CFAP251: variants seen among roughly 807,000 people sequenced by gnomAD.
CFAP251 encodes cilia and flagella associated protein 251.
In CFAP251, 93 loss-of-function variants were observed where a neutral mutation model predicts 126.7. The observed-to-expected ratio is 0.73, with a 90% CI of 0.62 to 0.87. CFAP251 has a LOEUF of 0.87. CFAP251 is among the 40% of genes least tolerant of loss of function. CFAP251 has a pLI of 0.00. For synonymous variants in CFAP251, 503 were observed against 506.9 expected (o/e 0.99, Z 0.10); for missense variants, 1,287 against 1,389.2 (o/e 0.93, Z 1.17).
chr12:121,993,615 C>T (rs1397413205), intron 19 of CFAP251, among the ~76,000 whole-genome samples: 7 of 138,922 alleles, frequency 5.0e-5, no homozygotes, highest in East Asian at 4.7e-4. Flanking sequence ...GCCTCTGCCC[C>T]GCCGCCCCAT....
chr12:121,926,076 C>T (rs1720066), intron 3 of CFAP251, among the ~76,000 whole-genome samples: 2 of 141,502 alleles, frequency 1.4e-5, no homozygotes, highest in African/African-American at 5.3e-5. Flanking sequence ...CGTGTTAGCC[C>T]GGATGGTCTT....
At position 122,003,687 on chromosome 12, in the gene CFAP251, G is replaced by A. The variant is rs766268774; in HGVS notation, c.3373G>A (p.Glu1125Lys). ...EICLEEELPD[E>K]ITAEIFATEI... ...TTGCCTTGAAGAAGAACTTCCAGAC[G>A]AAATCACTGCAGAAATATTCGCGAC... Residue 1125 changes from glutamate (E) to lysine (K), a missense_variant, in exon 22 of 22, where the codon GAA (glutamate) becomes AAA (lysine). By Grantham distance (56) the Glu-to-Lys change is moderately conservative. Transcript: ENST00000288912. 18 of 1,610,612 alleles carry A rather than the reference G, an allele frequency of 1.1e-5. No individual in the cohort carries two copies. In the Admixed American group the frequency reaches 3.1e-4, roughly 27 times the overall value.
intron 15 of CFAP251, among the ~76,000 whole-genome samples, chr12:121,966,171 T>TCCCTCCCCTCCCCTC (rs1366004601): frequency 1.9e-4 from 1 of 5,282 alleles, no homozygotes; most frequent in African/African-American, 7.0e-4. Flanking sequence ...CCCCTCCCCT[T>TCCCTCCCCTCCCCTC]CCCTCCCCTC....
Position 122,001,504 on chromosome 12 carries a change from T to C in CFAP251, c.3243T>C (p.His1081=), listed in dbSNP as rs2135821536. The C allele has an allele frequency of 6.2e-7, 1 of 1,613,998 alleles. No individual in the cohort carries two copies. Among genetic ancestry groups the C allele is most frequent in the Non-Finnish European group, 8.5e-7 (1 of 1,179,894 alleles). The part of the protein sequence containing the change: ...FLRLLVTKGE[H]MTEEEMLDCF... ...TCACTCTTTGACACACAGGTGAGCATATGACGGAGGAGGAGATGTTGGATT... is the reference window on the plus strand; with the variant it reads ...TCACTCTTTGACACACAGGTGAGCACATGACGGAGGAGGAGATGTTGGATT... The change falls in exon 21 of 22, where the codon CAT becomes CAC. Residue 1081 remains histidine, a synonymous_variant. Coordinates refer to ENST00000288912, the MANE Select transcript of CFAP251 (RefSeq NM_144668.6).
At chr12:121,975,101 C>G (rs780901312) in intron 17 of CFAP251, 143 bp from the exon 18 acceptor site, 9 of 627,336 alleles carry the variant, frequency 1.4e-5, no homozygotes, top group Non-Finnish European at 2.5e-5. Context: ...TTTAAAGGAC[C>G]TTTTCTTAAC....
chr12:121,945,382 T>C (rs1881281099), intron 7 of CFAP251, among the ~76,000 whole-genome samples: 2 of 152,044 alleles, frequency 1.3e-5, no homozygotes, highest in South Asian at 2.1e-4. Flanking sequence ...CTCATTCTGT[T>C]GCCCAGGCTG....
At chr12:121,986,816 G>T (rs190675733) in intron 19 of CFAP251, among the ~76,000 whole-genome samples, 2 of 151,688 alleles carry the variant, frequency 1.3e-5, no homozygotes, top group Non-Finnish European at 2.9e-5. Context: ...TAAATAAAAG[G>T]CCGTTTCATT....
chr12:121,969,157 AC>A, intron 17 of CFAP251: 1 of 985,120 alleles, frequency 1.0e-6, no homozygotes, highest in Non-Finnish European at 1.2e-6. Flanking sequence ...AGCACAGTGT[AC>A]CCCCTGCCAT....
chr12:121,969,322 A>G, intron 17 of CFAP251: 1 of 985,394 alleles, frequency 1.0e-6, no homozygotes, highest in Non-Finnish European at 1.2e-6. Flanking sequence ...TTCACCTGAG[A>G]GAGCAGATCT....
rs568185033 is a variant in CFAP251 at position 121,988,595 on chromosome 12, C to T, written c.3007-11121C>T. 2.6e-5 allele frequency among the ~76,000 whole-genome samples: 4 copies of T among 152,248 alleles called. No homozygotes were observed. The South Asian group carries it at 6.2e-4, about 24-fold the overall frequency. On this transcript the variant is annotated intron_variant, in intron 19 of 21. Coordinates refer to ENST00000288912, the MANE Select transcript of CFAP251 (RefSeq NM_144668.6). ...CTTTATGATTGAGTAACATTCTATTCGTTCATGTAGATATGCCACATTTTA... is the reference window on the plus strand; with the variant it reads ...CTTTATGATTGAGTAACATTCTATTTGTTCATGTAGATATGCCACATTTTA...
chr12:121,993,500 G>T (rs1882931257), intron 19 of CFAP251, among the ~76,000 whole-genome samples: 1 of 146,086 alleles, frequency 6.8e-6, no homozygotes, highest in Non-Finnish European at 1.5e-5. Flanking sequence ...CCACCCGGCC[G>T]CCATCCCATC....
chr12:121,980,225 T>C (rs11043279), intron 19 of CFAP251, among the ~76,000 whole-genome samples: 2,386 of 152,234 alleles, frequency 0.016, 23 homozygotes, highest in Non-Finnish European at 0.026. Flanking sequence ...CCTTTAACCA[T>C]GGGGACTATG....
intron 11 of CFAP251, 33 bp from the exon 12 acceptor site, chr12:121,958,239 A>G: frequency 1.9e-6 from 3 of 1,611,440 alleles, no homozygotes; most frequent in Non-Finnish European, 2.5e-6. Flanking sequence ...CCCTGCAAAC[A>G]CTGATATTGT....
intron 12 of CFAP251, 109 bp downstream of exon 12, chr12:121,958,631 A>C: frequency 1.3e-6 from 2 of 1,513,448 alleles, no homozygotes; most frequent in Non-Finnish European, 1.8e-6. Context: ...TCCAGCCCCC[A>C]GCAGGCTGGA....
At position 121,985,783 on chromosome 12, in the gene CFAP251, A is replaced by G. The variant is rs548378373; in HGVS notation, c.3006+10098A>G. 7.0e-4 allele frequency among the ~76,000 whole-genome samples: 107 copies of G among 152,216 alleles called. 1 individual carries two copies. The highest frequency in any genetic ancestry group is 2.2e-3 in the African/African-American group (92 of 41,552). The stretch of plus-strand genomic sequence containing the variant: ...GACCTGAAGGGACAATTGTTGTCAC[A>G]TAGTCTATTGTGTTGAAAATCAAAA... On this transcript the variant is annotated intron_variant, in intron 19 of 21. Coordinates refer to ENST00000288912, the MANE Select transcript of CFAP251 (RefSeq NM_144668.6).
intron 3 of CFAP251, among the ~76,000 whole-genome samples, chr12:121,929,036 T>A (rs2135750124): frequency 6.6e-6 from 1 of 151,896 alleles, no homozygotes; most frequent in East Asian, 1.9e-4. Context: ...TATAGAAAAA[T>A]TGAAGGCCGG....
chr12:121,977,410 G>A (rs1269172498), intron 19 of CFAP251, among the ~76,000 whole-genome samples: 2 of 152,220 alleles, frequency 1.3e-5, no homozygotes, highest in Non-Finnish European at 2.9e-5. Flanking sequence ...TGTAATCCCA[G>A]CACTTTGGGA....
At chr12:121,980,307 A>C (rs1019410149) in intron 19 of CFAP251, among the ~76,000 whole-genome samples, 4 of 152,062 alleles carry the variant, frequency 2.6e-5, no homozygotes, top group African/African-American at 9.7e-5. Context: ...CTACAAAATG[A>C]GTGCAGCAGT....
intron 11 of CFAP251, among the ~76,000 whole-genome samples, 159 bp downstream of exon 11, chr12:121,957,427 G>A (rs976764010): frequency 1.3e-5 from 2 of 151,976 alleles, no homozygotes; most frequent in Admixed American, 6.6e-5. Flanking sequence ...ACATAAGGCC[G>A]GGCGTGGTGG....
Sources: gnomAD v4.1 joint callset for allele counts (sites outside exome capture counted in the v4.1 genomes callset) on GRCh38, gnomAD v4.1.1 for gene constraint, MANE v1.5 for transcripts, NCBI Gene and HGNC (gene_info 2026-07-23, HGNC 2026-07-21) for gene names.